The following MEGF10 variants were observed in gnomAD, a reference collection of about 807,000 sequenced individuals.
MEGF10 encodes the protein multiple epidermal growth factor-like domains protein 10.
Under a neutral mutation model 147.5 loss-of-function variants are expected in MEGF10, and 86 were observed. That is an observed-to-expected ratio of 0.58 (90% CI 0.49 to 0.70). The LOEUF (loss-of-function observed/expected upper bound fraction) is 0.70. MEGF10 is among the 30% of genes least tolerant of loss of function. The pLI is 0.00. For missense variants in MEGF10, 1,329 were observed against 1,487.3 expected (o/e 0.89, Z 1.75); for synonymous variants, 478 against 525.5 (o/e 0.91, Z 1.24).
At chr5:127,406,817 T>C (rs1211860754) in intron 8 of MEGF10, among the ~76,000 whole-genome samples, 4 of 152,182 alleles carry the variant, frequency 2.6e-5, no homozygotes, top group African/African-American at 9.7e-5. Flanking sequence ...AGACAATGGT[T>C]TCCAGATCCT....
intron 1 of MEGF10, among the ~76,000 whole-genome samples, chr5:127,302,108 T>G (rs539754945): frequency 6.6e-6 from 1 of 152,256 alleles, no homozygotes; most frequent in Admixed American, 6.5e-5. Flanking sequence ...TTTTCCTTAG[T>G]AAGATGTCAA....
At chr5:127,357,409 G>A (rs1035945660) in intron 4 of MEGF10, among the ~76,000 whole-genome samples, 1 of 151,960 alleles carries the variant, frequency 6.6e-6, no homozygotes, top group African/African-American at 2.4e-5. Context: ...AGAAAGAAAA[G>A]AATCAAAATA....
At chr5:127,362,287 A>G (rs1365429817) in intron 4 of MEGF10, among the ~76,000 whole-genome samples, 1 of 148,200 alleles carries the variant, frequency 6.7e-6, no homozygotes, top group East Asian at 1.9e-4. Flanking sequence ...TTCATTTGAT[A>G]TTAATATAGC....
intron 5 of MEGF10, among the ~76,000 whole-genome samples, chr5:127,383,001 G>C (rs1004132704): frequency 2.0e-5 from 3 of 152,182 alleles, no homozygotes; most frequent in African/African-American, 7.2e-5. Context: ...TTCCATGAAG[G>C]CAAATTGGCA....
chr5:127,313,371 C>G (rs1297299035), intron 1 of MEGF10, among the ~76,000 whole-genome samples: 1 of 152,136 alleles, frequency 6.6e-6, no homozygotes, highest in Non-Finnish European at 1.5e-5. Context: ...TTGTAGTTGA[C>G]TAGATTCTCT....
chr5:127,397,794 A>G (rs755699074), intron 6 of MEGF10, among the ~76,000 whole-genome samples: 7 of 152,208 alleles, frequency 4.6e-5, no homozygotes, highest in African/African-American at 7.2e-5. Context: ...AGAGCAGGAA[A>G]GACAAAGGCT....
In MEGF10 at chr5:127,314,141, T is replaced by A. The variant is rs867604011; in HGVS notation, c.-18-17150T>A. 1.6e-4 allele frequency among the ~76,000 whole-genome samples: 25 copies of A among 152,198 alleles called. 1 individual carries two copies. Among genetic ancestry groups the A allele is most frequent in the Non-Finnish European group, 2.2e-4 (15 of 68,022 alleles). On this transcript the variant is annotated intron_variant, in intron 1 of 24. Coordinates refer to ENST00000503335, the MANE Select transcript of MEGF10 (RefSeq NM_001256545.2). ...TGTTCTCCCCAGTTATGGATCCCACTCTGTTATTTCTCTCCCACCTCACCC... is the reference window on the plus strand; with the variant it reads ...TGTTCTCCCCAGTTATGGATCCCACACTGTTATTTCTCTCCCACCTCACCC...
chr5:127,278,399 A>G, the MEGF10 span, among the ~76,000 whole-genome samples: 1 of 152,164 alleles, frequency 6.6e-6, no homozygotes, highest in Non-Finnish European at 1.5e-5. Flanking sequence ...TTAAGAGAGA[A>G]TAGAAGGAAA....
intron 5 of MEGF10, among the ~76,000 whole-genome samples, chr5:127,377,179 T>C (rs73345001): frequency 0.035 from 5,261 of 152,318 alleles, 305 homozygotes; most frequent in African/African-American, 0.12. Context: ...TTAAGCAATA[T>C]GTATATGCAA....
At chr5:127,246,957 T>G in the MEGF10 span, among the ~76,000 whole-genome samples, 11 of 112,154 alleles carry the variant, frequency 9.8e-5, no homozygotes, top group African/African-American at 3.9e-5. Context: ...ATATAATAAA[T>G]AATATATAAT....
At chr5:127,301,917 C>T (rs569161824) in intron 1 of MEGF10, among the ~76,000 whole-genome samples, 7 of 152,102 alleles carry the variant, frequency 4.6e-5, no homozygotes, top group South Asian at 4.2e-4. Context: ...TAAATGCAGA[C>T]GTTAGAAAAT....
chr5:127,447,275 A>G (rs1765971389), intron 20 of MEGF10, among the ~76,000 whole-genome samples: 1 of 152,160 alleles, frequency 6.6e-6, no homozygotes, highest in East Asian at 1.9e-4. Context: ...TCCGGGGTTC[A>G]AGCGATTCTT....
chr5:127,443,925 G>A (rs1765845314), intron 19 of MEGF10, among the ~76,000 whole-genome samples: 1 of 152,216 alleles, frequency 6.6e-6, no homozygotes, highest in Non-Finnish European at 1.5e-5. Context: ...GCATGGACAT[G>A]TGCTTTCATT....
chr5:127,329,575 A>G (rs187475733), intron 1 of MEGF10, among the ~76,000 whole-genome samples: 10 of 152,118 alleles, frequency 6.6e-5, no homozygotes, highest in African/African-American at 2.4e-4. Context: ...TTTTCAAGCC[A>G]TAAAGTTATT....
intron 23 of MEGF10, 37 bp downstream of exon 23, chr5:127,454,647 A>G (rs372270383): frequency 8.3e-6 from 13 of 1,572,178 alleles, no homozygotes; most frequent in East Asian, 4.5e-5. Flanking sequence ...CAGAAGCACA[A>G]TTAAATTTTT....
chr5:127,429,461 TC>T (rs1765325245), intron 13 of MEGF10, among the ~76,000 whole-genome samples: 1 of 152,192 alleles, frequency 6.6e-6, no homozygotes. Context: ...TGGAAAGTGG[TC>T]CTGAATATCA....
chr5:127,347,734 T>TA (rs926012678), intron 4 of MEGF10, among the ~76,000 whole-genome samples: 2 of 151,754 alleles, frequency 1.3e-5, no homozygotes, highest in Non-Finnish European at 2.9e-5. Flanking sequence ...TGGCCTCCAA[T>TA]AAAAAAAAGT....
intron 14 of MEGF10, 25 bp downstream of exon 14, chr5:127,433,534 T>A: frequency 6.4e-7 from 1 of 1,569,314 alleles, no homozygotes; most frequent in Non-Finnish European, 8.6e-7. Context: ...AGGCAGTAAT[T>A]TCCACCTTCC....
chr5:127,277,165 C>G, the MEGF10 span, among the ~76,000 whole-genome samples: 6 of 152,286 alleles, frequency 3.9e-5, no homozygotes, highest in South Asian at 8.3e-4. Flanking sequence ...GCTTCAGGAC[C>G]AAGGCACTCA....
Sources: gnomAD v4.1 joint callset for allele counts (sites outside exome capture counted in the v4.1 genomes callset) on GRCh38, gnomAD v4.1.1 for gene constraint, MANE v1.5 for transcripts, NCBI Gene and HGNC (gene_info 2026-07-23, HGNC 2026-07-21) for gene names.